ZNF280D: variants seen among roughly 807,000 people sequenced by gnomAD.
The protein encoded by ZNF280D is suppressor of hairy wing homolog 4.
ZNF280D carries 39 observed loss-of-function variants against 94.7 expected under a neutral mutation model. The observed-to-expected ratio is 0.41, with a 90% CI of 0.32 to 0.54. ZNF280D has a LOEUF of 0.54. ZNF280D is among the 20% of genes least tolerant of loss of function. The pLI is 0.22. For synonymous variants in ZNF280D, 398 were observed against 377.6 expected (o/e 1.05, Z -0.63); for missense variants, 1,090 against 1,149.3 (o/e 0.95, Z 0.75).
intron 11 of ZNF280D, 30 bp from the exon 12 acceptor site, chr15:56,677,704 T>A (rs529242728): frequency 2.2e-6 from 2 of 918,050 alleles, no homozygotes; most frequent in Non-Finnish European, 3.0e-6. Context: ...AGTATAATAA[T>A]ATTTAAGATA....
chr15:56,704,167 C>A lies in ZNF280D; in HGVS notation c.129G>T (p.Glu43Asp). ...VKEVEDDDDD[E>D]PIFVGEISSS... Reference sequence around the variant, plus strand: ...TTGATATCTCGCCAACAAAGATTGGCTCATCATCATCGTCATCCTCAACTT... The same window carrying A: ...TTGATATCTCGCCAACAAAGATTGGATCATCATCATCGTCATCCTCAACTT... Residue 43 changes from glutamate to aspartate, a missense_variant, in exon 4 of 22, where the codon GAG (glutamate) becomes GAT (aspartate). Glu to Asp is a conservative substitution (Grantham distance 45). Transcript: ENST00000267807. 6.2e-7 allele frequency: 1 copy of A among 1,613,806 alleles called. No homozygotes were observed. The highest frequency in any genetic ancestry group is 8.5e-7 in the Non-Finnish European group (1 of 1,179,918).
chr15:56,649,101 T>C (rs776635946), intron 19 of ZNF280D, among the ~76,000 whole-genome samples: 7 of 151,862 alleles, frequency 4.6e-5, no homozygotes, highest in Non-Finnish European at 1.0e-4. Context: ...TGTAAAAACG[T>C]GAAGAAAAAA....
intron 19 of ZNF280D, chr15:56,653,209 T>G (rs2053313380): frequency 1.8e-6 from 2 of 1,086,150 alleles, no homozygotes; most frequent in Non-Finnish European, 2.2e-6. Flanking sequence ...TGGACTGCAT[T>G]CATGCTAGAG....
chr15:56,719,413 A>C (rs2058223198), intron 1 of ZNF280D, among the ~76,000 whole-genome samples: 1 of 152,064 alleles, frequency 6.6e-6, no homozygotes, highest in Non-Finnish European at 1.5e-5. Flanking sequence ...CACCTTATAA[A>C]TCGCTACCCA....
At chr15:56,717,825 T>C (rs1175320765) in intron 1 of ZNF280D, among the ~76,000 whole-genome samples, 1 of 152,096 alleles carries the variant, frequency 6.6e-6, no homozygotes, top group East Asian at 1.9e-4. Context: ...CAACTCTATT[T>C]GCCTCCACCA....
At chr15:56,695,688 C>T (rs2056708224) in intron 6 of ZNF280D, among the ~76,000 whole-genome samples, 1 of 151,912 alleles carries the variant, frequency 6.6e-6, no homozygotes, top group African/African-American at 2.4e-5. Context: ...CACCACCATG[C>T]CCAGCTAATT....
At chr15:56,717,613 C>T (rs1457951930) in intron 1 of ZNF280D, among the ~76,000 whole-genome samples, 4 of 151,948 alleles carry the variant, frequency 2.6e-5, no homozygotes, top group African/African-American at 4.8e-5. Flanking sequence ...AATTAGTATA[C>T]ATTAACATTA....
At chr15:56,692,142 A>C (rs931903366) in intron 7 of ZNF280D, among the ~76,000 whole-genome samples, 14 of 152,146 alleles carry the variant, frequency 9.2e-5, no homozygotes, top group Admixed American at 3.3e-4. Context: ...AACCAGACTT[A>C]AGACAACTAT....
chr15:56,669,411 T>G (rs1295228583), intron 13 of ZNF280D, among the ~76,000 whole-genome samples: 1 of 151,882 alleles, frequency 6.6e-6, no homozygotes, highest in Admixed American at 6.6e-5. Flanking sequence ...AGAAGGTTAT[T>G]TTATAGAAGT....
intron 16 of ZNF280D, among the ~76,000 whole-genome samples, chr15:56,659,278 T>C (rs1190844241): frequency 6.6e-6 from 1 of 151,716 alleles, no homozygotes; most frequent in Non-Finnish European, 1.5e-5. Context: ...TGATAATAGC[T>C]TCTATATACC....
chr15:56,710,981 G>A (rs1215383529), intron 1 of ZNF280D, among the ~76,000 whole-genome samples: 2 of 152,196 alleles, frequency 1.3e-5, no homozygotes, highest in Non-Finnish European at 2.9e-5. Context: ...ACAACCTTCT[G>A]CCAAGTCATC....
intron 13 of ZNF280D, among the ~76,000 whole-genome samples, chr15:56,670,285 T>C (rs2054774569): frequency 6.6e-6 from 1 of 150,836 alleles, no homozygotes; most frequent in Non-Finnish European, 1.5e-5. Context: ...AGGTTTTTTG[T>C]ACAGATTATT....
Position 56,630,942 on chromosome 15 carries a change from T to C in ZNF280D, c.*556A>G, listed in dbSNP as rs2052048027. The C allele has an allele frequency of 6.5e-6, 1 of 152,768 alleles. No individual in the cohort carries two copies. Among genetic ancestry groups the C allele is most frequent in the Non-Finnish European group, 1.5e-5 (1 of 68,434 alleles). 9.5% of individuals were successfully genotyped at this position (152,768 alleles called of 1,614,324 possible). On this transcript the variant is annotated 3_prime_UTR_variant, in exon 22 of 22. Coordinates refer to ENST00000267807, the MANE Select transcript of ZNF280D (RefSeq NM_017661.4). ...TATATTAAATCCAAAATTAAGTTTATGTTCATCCAAATTCTCATTAGATCA... is the reference window on the plus strand; with the variant it reads ...TATATTAAATCCAAAATTAAGTTTACGTTCATCCAAATTCTCATTAGATCA...
At chr15:56,714,158 A>G (rs2057916911) in intron 1 of ZNF280D, among the ~76,000 whole-genome samples, 2 of 152,182 alleles carry the variant, frequency 1.3e-5, no homozygotes, top group South Asian at 4.1e-4. Context: ...TCTTTTTCAG[A>G]ATCAGTCCAG....
chr15:56,727,056 GA>G (rs370001065), intron 1 of ZNF280D, among the ~76,000 whole-genome samples: 1 of 152,130 alleles, frequency 6.6e-6, no homozygotes, highest in East Asian at 1.9e-4. Flanking sequence ...AAAGTGACTA[GA>G]AAAAATGGGA....
intron 1 of ZNF280D, among the ~76,000 whole-genome samples, chr15:56,715,045 G>A (rs907276837): frequency 2.6e-5 from 4 of 152,018 alleles, no homozygotes; most frequent in South Asian, 2.1e-4. Context: ...TCTTGATAAC[G>A]TGTTGGGGGC....
At chr15:56,667,820 T>A (rs754797502) in intron 14 of ZNF280D, among the ~76,000 whole-genome samples, 1 of 152,092 alleles carries the variant, frequency 6.6e-6, no homozygotes, top group South Asian at 2.1e-4. Flanking sequence ...ATCTATAACA[T>A]GGGGCAATAC....
intron 6 of ZNF280D, among the ~76,000 whole-genome samples, chr15:56,694,163 G>A (rs2056592564): frequency 6.6e-6 from 1 of 151,846 alleles, no homozygotes; most frequent in Non-Finnish European, 1.5e-5. Flanking sequence ...AATGATAATG[G>A]GCTCAAGTAT....
intron 19 of ZNF280D, among the ~76,000 whole-genome samples, chr15:56,650,859 G>A (rs1187119873): frequency 1.3e-5 from 2 of 152,118 alleles, no homozygotes; most frequent in African/African-American, 2.4e-5. Flanking sequence ...TCATGACTGA[G>A]TTTGACTTTG....
Sources: allele counts gnomAD v4.1 joint callset (sites outside exome capture counted in the v4.1 genomes callset), GRCh38; gene constraint gnomAD v4.1.1; transcripts MANE v1.5; gene names NCBI Gene and HGNC (gene_info 2026-07-23, HGNC 2026-07-21).